The following TGDS variants were observed in gnomAD, a reference collection of about 807,000 sequenced individuals.
TGDS encodes the protein UDP-D-glucose 4,6-dehydratase.
In TGDS, 47 loss-of-function variants were observed where a neutral mutation model predicts 52.3. The observed-to-expected ratio is 0.90, with a 90% CI of 0.71 to 1.15. The LOEUF (loss-of-function observed/expected upper bound fraction) is 1.15. Among genes scored for constraint, TGDS ranks in the 50% most tolerant of loss-of-function variants. The pLI, the probability that TGDS is intolerant of heterozygous loss-of-function variation, is 0.00. For missense variants in TGDS, 375 were observed against 418.4 expected (o/e 0.90, Z 0.90); for synonymous variants, 115 against 136.9 (o/e 0.84, Z 1.12).
intron 2 of TGDS, 110 bp downstream of exon 2, chr13:94,593,731 A>G: frequency 1.2e-6 from 1 of 827,116 alleles, no homozygotes; most frequent in South Asian, 1.6e-5. Flanking sequence ...GAATTGCTAA[A>G]ATGACTAAAT....
At position 94,577,341 on chromosome 13, in the gene TGDS, C is replaced by CTT. The variant is rs564305872; in HGVS notation, c.884+28_884+29dup. On this transcript the variant is annotated intron_variant, in intron 10 of 11. Transcript: ENST00000261296. ...TTATAAGTACCTAAGATTTCACAAC[C>CTT]TTTCCCCAAGGTTTTAACTTGTTAC... 6.0e-4 allele frequency: 913 copies of CTT among 1,523,298 alleles called. 5 individuals are homozygous for CTT. Among genetic ancestry groups the CTT allele is most frequent in the Non-Finnish European group, 1.4e-4 (164 of 1,139,264 alleles). 94.4% of individuals were successfully genotyped at this position (1,523,298 alleles called of 1,614,324 possible).
chr13:94,586,968 T>C lies in TGDS; in HGVS notation c.314-3732A>G, dbSNP rs371741315. ...TTTGTACAGACAGGGTCTCACCATG[T>C]TGCCCAGGCTGGTCTGGAACTCCTG... is the stretch of plus-strand genomic sequence containing the variant. On this transcript the variant is annotated intron_variant, in intron 4 of 11. Coordinates refer to ENST00000261296, the MANE Select transcript of TGDS (RefSeq NM_014305.4). Among the ~76,000 whole-genome samples the C allele has an allele frequency of 9.9e-5, 15 of 152,186 alleles. No individual in the cohort carries two copies. The South Asian group carries it at 2.9e-3, about 29-fold the overall frequency.
intron 5 of TGDS, 25 bp downstream of exon 5, chr13:94,583,069 T>A: frequency 6.2e-7 from 1 of 1,608,592 alleles, no homozygotes. Context: ...GTTAAGTAGG[T>A]AAAATATACA....
chr13:94,575,177 G>T (rs1888552727), intron 11 of TGDS, among the ~76,000 whole-genome samples: 1 of 151,570 alleles, frequency 6.6e-6, no homozygotes, highest in Non-Finnish European at 1.5e-5. Context: ...TAAGTCATCT[G>T]CCCTGGTTTT....
At chr13:94,595,890 C>CAGAG in intron 1 of TGDS, 161 bp downstream of exon 1, 1 of 754,640 alleles carries the variant, frequency 1.3e-6, no homozygotes, top group Non-Finnish European at 2.3e-6. Context: ...CTTTGCAGGC[C>CAGAG]AGAGAGAGAA....
Position 94,578,691 on chromosome 13 carries a change from C to T in TGDS, c.659+39G>A, listed in dbSNP as rs188701568. ...AAGTGTCACCAAATACTCTAACATA[C>T]CAGAAAAGCATATGGGTAAAAAGGT... On this transcript the variant is annotated intron_variant, in intron 8 of 11. Coordinates refer to ENST00000261296, the MANE Select transcript of TGDS (RefSeq NM_014305.4). 2.0e-3 allele frequency: 2,846 copies of T among 1,458,540 alleles called. 6 individuals are homozygous for T. The highest frequency in any genetic ancestry group is 2.4e-3 in the Non-Finnish European group (2,517 of 1,049,024). 90.3% of individuals were successfully genotyped at this position (1,458,540 alleles called of 1,614,324 possible). A position where few individuals can be genotyped will look rare whatever the true frequency, so the allele number is the denominator to read the frequency against.
chr13:94,595,847 G>C (rs563312542), intron 1 of TGDS: 4 of 628,336 alleles, frequency 6.4e-6, no homozygotes, highest in Non-Finnish European at 1.1e-5. Flanking sequence ...TGGAAGAGGC[G>C]TTTTAAAGAA....
At chr13:94,591,032 C>G in intron 3 of TGDS, 89 bp from the exon 4 acceptor site, 1 of 837,616 alleles carries the variant, frequency 1.2e-6, no homozygotes, top group Non-Finnish European at 1.9e-6. Context: ...CCCTACCTCC[C>G]ACCTCCCTGT....
At chr13:94,582,143 A>G (rs1237739521) in intron 5 of TGDS, among the ~76,000 whole-genome samples, 2 of 151,894 alleles carry the variant, frequency 1.3e-5, no homozygotes, top group Non-Finnish European at 2.9e-5. Flanking sequence ...GGTTGTGGCT[A>G]GTCAAGATTG....
intron 4 of TGDS, among the ~76,000 whole-genome samples, chr13:94,588,743 C>T (rs1336541712): frequency 6.6e-6 from 1 of 152,146 alleles, no homozygotes; most frequent in Admixed American, 6.5e-5. Flanking sequence ...TGCACAACTG[C>T]TTTTATCATT....
chr13:94,575,056 T>A (rs1341756711), intron 11 of TGDS, among the ~76,000 whole-genome samples: 1 of 151,978 alleles, frequency 6.6e-6, no homozygotes, highest in Non-Finnish European at 1.5e-5. Flanking sequence ...CCTAAAAAAT[T>A]TATGATTAAA....
intron 6 of TGDS, among the ~76,000 whole-genome samples, chr13:94,580,501 A>C (rs1888751941): frequency 6.6e-6 from 1 of 152,180 alleles, no homozygotes; most frequent in African/African-American, 2.4e-5. Context: ...AGGCTCCCAT[A>C]CTGACACTGT....
At chr13:94,592,129 T>C (rs985517038) in intron 3 of TGDS, 112 bp downstream of exon 3, 2 of 711,566 alleles carry the variant, frequency 2.8e-6, no homozygotes, top group Non-Finnish European at 4.4e-6. Flanking sequence ...TTAAAAGGTC[T>C]TTAATTAGTG....
At position 94,578,037 on chromosome 13, in the gene TGDS, C is replaced by T; in HGVS notation, c.793G>A (p.Val265Ile). ...ATTAGTTCTTTGGCAAGCTGGACAA[C>T]TGACATTTCAAAATTGGTTCCGATG... ...YNIGTNFEMS[V>I]VQLAKELIQL... The change falls in exon 9 of 12, where the codon GTT becomes ATT. Residue 265 changes from valine (V) to isoleucine (I), a missense_variant. Coordinates refer to ENST00000261296, the MANE Select transcript of TGDS (RefSeq NM_014305.4). 2 of 1,613,836 alleles carry T rather than the reference C, an allele frequency of 1.2e-6. No homozygotes were observed. The highest frequency in any genetic ancestry group is 1.7e-5 in the Admixed American group (1 of 60,026).
At chr13:94,596,155 C>A (rs1312871106), upstream of TGDS, 3 of 1,612,456 alleles carry the variant, frequency 1.9e-6, no homozygotes, top group Middle Eastern at 1.6e-4. Context: ...TCAGCAGTGC[C>A]TAGTACCGTA....
intron 4 of TGDS, among the ~76,000 whole-genome samples, chr13:94,584,205 C>T (rs1198148064): frequency 6.6e-6 from 1 of 152,166 alleles, no homozygotes. Context: ...GTGTTCTCCC[C>T]ATAATTCATC....
chr13:94,577,498 T>C, intron 9 of TGDS, 69 bp from the exon 10 acceptor site: 1 of 1,320,352 alleles, frequency 7.6e-7, no homozygotes, highest in Non-Finnish European at 1.0e-6. Context: ...TAGTATTTAA[T>C]GGCTGATTAA....
intron 11 of TGDS, 137 bp from the exon 12 acceptor site, chr13:94,574,989 T>C: frequency 5.9e-6 from 3 of 504,794 alleles, no homozygotes; most frequent in South Asian, 3.4e-5. Flanking sequence ...TGACTAATGA[T>C]GTAAACAATT....
chr13:94,577,215 T>C (rs1019225995), intron 10 of TGDS, among the ~76,000 whole-genome samples, 156 bp downstream of exon 10: 1 of 152,322 alleles, frequency 6.6e-6, no homozygotes, highest in Non-Finnish European at 1.5e-5. Flanking sequence ...AATAATGCTA[T>C]ACTTAATTTG....
Sources: allele counts gnomAD v4.1 joint callset (sites outside exome capture counted in the v4.1 genomes callset), GRCh38; gene constraint gnomAD v4.1.1; transcripts MANE v1.5; gene names NCBI Gene and HGNC (gene_info 2026-07-23, HGNC 2026-07-21).